G3BP2: variants seen among roughly 807,000 people sequenced by gnomAD.
The protein encoded by G3BP2 is G3BP stress granule assembly factor 2.
In G3BP2, 11 loss-of-function variants were observed where a neutral mutation model predicts 56.7. That is an observed-to-expected ratio of 0.19 (90% CI 0.12 to 0.32). The LOEUF (loss-of-function observed/expected upper bound fraction) is 0.32, where lower values mean the gene tolerates loss of function less well. G3BP2 is among the 10% of genes least tolerant of loss of function. G3BP2 has a pLI of 1.00. For synonymous variants in G3BP2, 165 were observed against 191.6 expected (o/e 0.86, Z 1.15); for missense variants, 340 against 610.9 (o/e 0.56, Z 4.67).
intron 3 of G3BP2, among the ~76,000 whole-genome samples, chr4:75,708,108 T>C (rs1033031130): frequency 3.3e-5 from 5 of 152,210 alleles, no homozygotes; most frequent in Non-Finnish European, 5.9e-5. Flanking sequence ...AAGTACCCTT[T>C]TCAATTTCAA....
At chr4:75,650,839 A>C (rs986184925) in intron 8 of G3BP2, among the ~76,000 whole-genome samples, 2 of 152,204 alleles carry the variant, frequency 1.3e-5, no homozygotes, top group African/African-American at 4.8e-5. Context: ...AGCAGCTGAG[A>C]CTACAGGCAC....
intron 3 of G3BP2, among the ~76,000 whole-genome samples, chr4:75,681,742 G>A (rs953311060): frequency 4.6e-5 from 7 of 151,574 alleles, no homozygotes; most frequent in East Asian, 1.9e-4. Flanking sequence ...CCAGCTACTC[G>A]GGAGGCTGAG....
At chr4:75,716,275 T>G (rs776650397) in intron 3 of G3BP2, among the ~76,000 whole-genome samples, 3 of 151,666 alleles carry the variant, frequency 2.0e-5, no homozygotes, top group Non-Finnish European at 2.9e-5. Context: ...GTTCAAGAGA[T>G]TCTTGTGTCT....
chr4:75,715,354 A>G (rs1719893187), intron 3 of G3BP2, among the ~76,000 whole-genome samples: 1 of 152,186 alleles, frequency 6.6e-6, no homozygotes, highest in Non-Finnish European at 1.5e-5. Flanking sequence ...TGCAGATATT[A>G]GTCAGCAATT....
chr4:75,672,469 G>C lies in G3BP2; in HGVS notation c.-25+739C>G, dbSNP rs374844986. ...GCCATTCCCGAGTCAATAAGGGATC[G>C]TCTGCATAAGAGGGGGACGAAGAAG... On this transcript the variant is annotated intron_variant, in intron 1 of 11. Transcript: ENST00000359707. 7.9e-5 allele frequency: 12 copies of C among 152,312 alleles called. 1 individual carries two copies. Among genetic ancestry groups the C allele is most frequent in the African/African-American group, 2.9e-4 (12 of 41,560 alleles). 9.4% of individuals were successfully genotyped at this position (152,312 alleles called of 1,614,324 possible). A position where few individuals can be genotyped will look rare whatever the true frequency, so the allele number is the denominator to read the frequency against.
At chr4:75,704,565 C>T (rs1181743763) in intron 3 of G3BP2, among the ~76,000 whole-genome samples, 2 of 152,050 alleles carry the variant, frequency 1.3e-5, no homozygotes, top group Non-Finnish European at 2.9e-5. Flanking sequence ...GTAATCCTCC[C>T]GCCTCGGCCT....
At chr4:75,682,227 C>A (rs544792878) in intron 3 of G3BP2, among the ~76,000 whole-genome samples, 1 of 152,068 alleles carries the variant, frequency 6.6e-6, no homozygotes, top group South Asian at 2.1e-4. Context: ...CTATCCTAGC[C>A]AACATGGTGA....
Position 75,683,110 on chromosome 4 carries a change from AT to A in G3BP2, c.-24-21062del, listed in dbSNP as rs541974247. Among the ~76,000 whole-genome samples, 311 of 152,208 alleles carry A rather than the reference AT, an allele frequency of 2.0e-3. 1 individual carries two copies. Among genetic ancestry groups the A allele is most frequent in the African/African-American group, 7.2e-3 (300 of 41,548 alleles). ...TCATGCAGGGTCCGCATCAGCTCTC[AT>A]TTTCCACCCACACATTTCTAGGTGT... On this transcript the variant is annotated intron_variant, in intron 3 of 3. Coordinates refer to the G3BP2 transcript ENST00000499709.
intron 3 of G3BP2, among the ~76,000 whole-genome samples, chr4:75,703,944 T>G (rs970960399): frequency 1.3e-5 from 2 of 152,192 alleles, no homozygotes; most frequent in African/African-American, 4.8e-5. Flanking sequence ...AGTAAATGCT[T>G]CTTTTGATTG....
At chr4:75,721,644 A>G (rs1156387697) in intron 2 of G3BP2, among the ~76,000 whole-genome samples, 1 of 152,166 alleles carries the variant, frequency 6.6e-6, no homozygotes, top group African/African-American at 2.4e-5. Context: ...AATACAAATG[A>G]TCATTTATAT....
intron 3 of G3BP2, among the ~76,000 whole-genome samples, chr4:75,708,334 G>A (rs1051341670): frequency 6.6e-6 from 1 of 152,172 alleles, no homozygotes; most frequent in Admixed American, 6.5e-5. Context: ...GGAGTAAAGA[G>A]GGCCCAGTAT....
intron 3 of G3BP2, chr4:75,694,663 G>T (rs1449042164): frequency 4.1e-6 from 2 of 491,002 alleles, no homozygotes; most frequent in Middle Eastern, 1.1e-3. Flanking sequence ...GCTTGAATCC[G>T]CGAGGCGGCG....
chr4:75,645,826 A>C, intron 11 of G3BP2, 124 bp from the exon 12 acceptor site: 2 of 804,042 alleles, frequency 2.5e-6, no homozygotes. Flanking sequence ...CCCACCCCCC[A>C]GAGATAGGGT....
intron 10 of G3BP2, 52 bp from the exon 11 acceptor site, chr4:75,646,508 T>A (rs1731216500): frequency 5.0e-6 from 5 of 993,060 alleles, no homozygotes; most frequent in Non-Finnish European, 8.0e-6. Context: ...CAGAATACCT[T>A]GATGGCTCTA....
intron 1 of G3BP2, among the ~76,000 whole-genome samples, chr4:75,663,991 C>T (rs1340757649): frequency 1.5e-5 from 2 of 132,598 alleles, no homozygotes; most frequent in Non-Finnish European, 3.3e-5. Context: ...CAGAGCAATT[C>T]TCTTGCCTCA....
At chr4:75,656,113 C>A (rs1215209244) in intron 5 of G3BP2, among the ~76,000 whole-genome samples, 3 of 151,198 alleles carry the variant, frequency 2.0e-5, no homozygotes, top group Non-Finnish European at 4.4e-5. Flanking sequence ...GCCTCAGCCT[C>A]TTGAGTAGCT....
rs1731146878 is a variant in G3BP2 at position 75,645,451 on chromosome 4, G to A, written c.1428C>T (p.Arg476=). 1 of 1,613,990 alleles carries A rather than the reference G, an allele frequency of 6.2e-7. No homozygotes were observed. The highest frequency in any genetic ancestry group is 2.2e-5 in the East Asian group (1 of 44,868). Residue 476 remains arginine, a synonymous_variant, in exon 12 of 12, where the codon CGC becomes CGT. Coordinates refer to ENST00000359707, the MANE Select transcript of G3BP2 (RefSeq NM_203505.3). The part of the protein sequence containing the change: ...SGRGTGQMEG[R]FTGQRR Reference sequence around the variant, plus strand: ...AGCTTCAGCGACGCTGTCCTGTGAAGCGGCCCTCCATTTGCCCGGTTCCTC... The same window carrying A: ...AGCTTCAGCGACGCTGTCCTGTGAAACGGCCCTCCATTTGCCCGGTTCCTC...
At chr4:75,662,852 A>T (rs1023603734) in intron 1 of G3BP2, among the ~76,000 whole-genome samples, 4 of 152,194 alleles carry the variant, frequency 2.6e-5, no homozygotes, top group Non-Finnish European at 5.9e-5. Flanking sequence ...CTAGGAAGCA[A>T]GACAGAGGGC....
intron 1 of G3BP2, among the ~76,000 whole-genome samples, chr4:75,665,787 T>C (rs1732993060): frequency 6.6e-6 from 1 of 152,202 alleles, no homozygotes; most frequent in Non-Finnish European, 1.5e-5. Context: ...GGAAATTATA[T>C]GTATTTTAAC....
Sources: gnomAD v4.1 joint callset for allele counts (sites outside exome capture counted in the v4.1 genomes callset) on GRCh38, gnomAD v4.1.1 for gene constraint, MANE v1.5 for transcripts, NCBI Gene and HGNC (gene_info 2026-07-23, HGNC 2026-07-21) for gene names.